Variants in CLOCK observed in about 807,000 individuals in gnomAD.
CLOCK encodes the protein clock circadian regulator.
CLOCK carries 43 observed loss-of-function variants against 118.4 expected under a neutral mutation model. The ratio of observed to expected loss-of-function variants is 0.36; its 90% confidence interval spans 0.28 to 0.47. CLOCK has a LOEUF of 0.47. Ranked by LOEUF, CLOCK falls within the 20% of genes least tolerant of loss-of-function variation. CLOCK has a pLI of 1.00. For missense variants in CLOCK, 846 were observed against 999.9 expected (o/e 0.85, Z 2.08); for synonymous variants, 326 against 339.2 (o/e 0.96, Z 0.43).
intron 18 of CLOCK, among the ~76,000 whole-genome samples, 176 bp from the exon 19 acceptor site, chr4:55,444,961 T>C (rs1723683084): frequency 6.6e-6 from 1 of 152,226 alleles, no homozygotes; most frequent in Non-Finnish European, 1.5e-5. Flanking sequence ...ATATTGGACC[T>C]GGACCTTCAA....
chr4:55,453,098 CTCG>C lies in CLOCK; in HGVS notation c.1159_1161del (p.Arg387del). 2 of 1,612,802 alleles carry C rather than the reference CTCG, an allele frequency of 1.2e-6. No homozygotes were observed. The highest frequency in any genetic ancestry group is 1.1e-5 in the South Asian group (1 of 90,952). Reference sequence around the variant, plus strand: ...GGAAGAGACTCTTCAATGCCAAGTTCTCGTCGTCTTTCAGCCCTAACTTCTGCA... The same window carrying C: ...GGAAGAGACTCTTCAATGCCAAGTTCTCGTCTTTCAGCCCTAACTTCTGCA... On this transcript the variant is annotated inframe_deletion, in exon 15 of 23. Coordinates refer to ENST00000513440, the MANE Select transcript of CLOCK (RefSeq NM_004898.4).
At chr4:55,525,089 G>T (rs2110072239) in intron 1 of CLOCK, among the ~76,000 whole-genome samples, 1 of 152,262 alleles carries the variant, frequency 6.6e-6, no homozygotes, top group South Asian at 2.1e-4. Context: ...TCTTAGTAAT[G>T]AAACAAGTCT....
At chr4:55,516,062 C>A (rs993820144) in intron 1 of CLOCK, among the ~76,000 whole-genome samples, 2 of 152,128 alleles carry the variant, frequency 1.3e-5, no homozygotes, top group Non-Finnish European at 2.9e-5. Flanking sequence ...GGTCTGAGAA[C>A]AGATACTGTC....
At chr4:55,464,481 C>A (rs1725594130) in intron 8 of CLOCK, among the ~76,000 whole-genome samples, 1 of 152,150 alleles carries the variant, frequency 6.6e-6, no homozygotes, top group Admixed American at 6.6e-5. Context: ...GATAACAAAA[C>A]TTCCATGACT....
intron 4 of CLOCK, among the ~76,000 whole-genome samples, chr4:55,480,903 G>C (rs1299626044): frequency 3.4e-5 from 4 of 116,000 alleles, no homozygotes; most frequent in African/African-American, 1.3e-4. Context: ...AAAAAAAAAA[G>C]AGATGAGTTT....
In CLOCK at chr4:55,458,942, T is replaced by C; in HGVS notation, c.742A>G (p.Arg248Gly). 1.2e-6 allele frequency: 2 copies of C among 1,613,936 alleles called. No individual in the cohort carries two copies. The highest frequency in any genetic ancestry group is 2.2e-5 in the East Asian group (1 of 44,826). The change falls in exon 11 of 23, where the codon AGA (arginine) becomes GGA (glycine). Residue 248 changes from arginine to glycine, a missense_variant. Coordinates refer to ENST00000513440, the MANE Select transcript of CLOCK (RefSeq NM_004898.4). ...QRTHRPSYEDRVCFVATVRLA... is the reference protein window; with the variant it reads ...QRTHRPSYEDGVCFVATVRLA... ...CTGACAGTAGCTACAAAACAAACTC[T>C]ATCTTCATAAGATGGCCTATGTGTG...
chr4:55,521,604 C>CCATA (rs1296314869), intron 1 of CLOCK, among the ~76,000 whole-genome samples: 25 of 152,286 alleles, frequency 1.6e-4, no homozygotes, highest in African/African-American at 5.5e-4. Flanking sequence ...TATGGTTATA[C>CCATA]CATACCACGG....
Position 55,471,492 on chromosome 4 carries a change from A to G in CLOCK, c.349-686T>C, listed in dbSNP as rs1474112849. ...GGAAAATCATAGTGGCTTTTGGACT[A>G]ATTAAGGAAGTTAATGGGAATCTGA... is the stretch of plus-strand genomic sequence containing the variant. On this transcript the variant is annotated intron_variant, in intron 7 of 22. Transcript: ENST00000513440. 2.6e-5 allele frequency among the ~76,000 whole-genome samples: 4 copies of G among 152,234 alleles called. No individual in the cohort carries two copies. In the East Asian group the frequency reaches 7.7e-4, roughly 29 times the overall value.
rs1482753980 is a variant in CLOCK at position 55,433,326 on chromosome 4, T to C, written c.*2089A>G. On this transcript the variant is annotated 3_prime_UTR_variant, in exon 23 of 23. Coordinates refer to ENST00000513440, the MANE Select transcript of CLOCK (RefSeq NM_004898.4). ...TTACTGATTGATATCTAGTCACACT[T>C]CTTTTGTAGAAGGGTAAGTACCAAT... 1 of 152,650 alleles carries C rather than the reference T, an allele frequency of 6.6e-6. No homozygotes were observed. Among genetic ancestry groups the C allele is most frequent in the Non-Finnish European group, 1.5e-5 (1 of 68,042 alleles). The allele number at this position is 152,650 out of a possible 1,614,324, so 9.5% of individuals were successfully genotyped here. A position where few individuals can be genotyped will look rare whatever the true frequency, so the allele number is the denominator to read the frequency against.
chr4:55,435,467 C>G lies in CLOCK; in HGVS notation c.2489G>C (p.Ser830Thr). The G allele has an allele frequency of 6.2e-7, 1 of 1,614,018 alleles. No homozygotes were observed. The highest frequency in any genetic ancestry group is 8.5e-7 in the Non-Finnish European group (1 of 1,179,946). The stretch of plus-strand genomic sequence containing the variant: ...GGGCAAGCTGTCAGTCCTGTGCCGG[C>G]TGAGTTGCTGCTGTTGCTGAGACTG... Reference protein sequence around the residue: ...QHQSQQQQQLSRHRTDSLPDP... With the variant: ...QHQSQQQQQLTRHRTDSLPDP... The change falls in exon 23 of 23, where the codon AGC (serine) becomes ACC (threonine). Residue 830 changes from serine (S) to threonine (T), a missense_variant. Ser to Thr is a moderately conservative substitution (Grantham distance 58). Coordinates refer to ENST00000513440, the MANE Select transcript of CLOCK (RefSeq NM_004898.4).
At chr4:55,438,581 G>C (rs749388765) in intron 21 of CLOCK, 44 bp from the exon 22 acceptor site, 2 of 1,611,672 alleles carry the variant, frequency 1.2e-6, no homozygotes, top group Admixed American at 1.7e-5. Context: ...CAAAGTACAA[G>C]GTATACATCA....
At chr4:55,535,996 T>C (rs910785691) in intron 1 of CLOCK, among the ~76,000 whole-genome samples, 1 of 152,072 alleles carries the variant, frequency 6.6e-6, no homozygotes, top group African/African-American at 2.4e-5. Context: ...GCTTTTGGTG[T>C]TCACACAGGG....
intron 18 of CLOCK, among the ~76,000 whole-genome samples, 161 bp downstream of exon 18, chr4:55,448,618 G>C (rs1352401208): frequency 7.3e-6 from 1 of 136,150 alleles, no homozygotes; most frequent in Non-Finnish European, 1.6e-5. Flanking sequence ...GTGTGTGTGT[G>C]TGTGTGTGTG....
At chr4:55,538,727 T>C (rs1440939354) in intron 1 of CLOCK, among the ~76,000 whole-genome samples, 1 of 152,112 alleles carries the variant, frequency 6.6e-6, no homozygotes, top group African/African-American at 2.4e-5. Flanking sequence ...TCTGAACACA[T>C]CAAAGTGCTT....
At chr4:55,477,251 T>C (rs529556410) in intron 6 of CLOCK, among the ~76,000 whole-genome samples, 3 of 152,212 alleles carry the variant, frequency 2.0e-5, no homozygotes, top group East Asian at 3.9e-4. Context: ...TCATCCTCTA[T>C]TGACGGGGAA....
chr4:55,467,348 G>A (rs1725803561), intron 8 of CLOCK, among the ~76,000 whole-genome samples: 1 of 152,140 alleles, frequency 6.6e-6, no homozygotes, highest in Non-Finnish European at 1.5e-5. Context: ...TAGCTCCTCT[G>A]GATGCAGAGA....
chr4:55,471,046 T>C (rs1278728859), intron 7 of CLOCK, among the ~76,000 whole-genome samples: 5 of 152,168 alleles, frequency 3.3e-5, no homozygotes, highest in Non-Finnish European at 5.9e-5. Context: ...CTCTAAAAGA[T>C]AGAGACAATG....
Position 55,522,695 on chromosome 4 carries a change from C to G in CLOCK, c.-289-12630G>C, listed in dbSNP as rs1729921625. Among the ~76,000 whole-genome samples the G allele has an allele frequency of 1.3e-5, 2 of 152,120 alleles. 1 individual carries two copies. The highest frequency in any genetic ancestry group is 4.1e-4 in the South Asian group (2 of 4,820). ...ACAATTTGCCACATCTATACTCTTT[C>G]CACCATATATATGTATGTATTTGTA... is the stretch of plus-strand genomic sequence containing the variant. On this transcript the variant is annotated intron_variant, in intron 1 of 22. Transcript: ENST00000513440.
At chr4:55,452,308 G>A (rs1187899008) in intron 15 of CLOCK, 1 of 152,172 alleles carries the variant, frequency 6.6e-6, no homozygotes, top group Non-Finnish European at 1.5e-5. Context: ...AGGAACTGAG[G>A]ATAGCCTTCA....
Sources: allele counts gnomAD v4.1 joint callset (sites outside exome capture counted in the v4.1 genomes callset), GRCh38; gene constraint gnomAD v4.1.1; transcripts MANE v1.5; gene names NCBI Gene and HGNC (gene_info 2026-07-23, HGNC 2026-07-21).